THSD7A: variants seen among roughly 807,000 people sequenced by gnomAD.
The protein encoded by THSD7A is thrombospondin type 1 domain containing 7A.
A neutral mutation model predicts 231.3 loss-of-function variants in THSD7A; 96 were observed. The observed-to-expected ratio is 0.41, with a 90% CI of 0.35 to 0.49. The LOEUF is 0.49. Ranked by LOEUF, THSD7A falls within the 20% of genes least tolerant of loss-of-function variation. The probability of loss-of-function intolerance (pLI) is 0.05; values close to 1 mark genes in which losing one functional copy is unlikely to be tolerated. For missense variants in THSD7A, 2,290 were observed against 2,070.2 expected (o/e 1.11, Z -2.06); for synonymous variants, 940 against 743.3 (o/e 1.26, Z -4.30).
intron 4 of THSD7A, among the ~76,000 whole-genome samples, chr7:11,573,802 C>T (rs1421349094): frequency 6.6e-6 from 1 of 152,090 alleles, no homozygotes; most frequent in African/African-American, 2.4e-5. Context: ...TTTATTGACG[C>T]TTGGGTTTAT....
At chr7:11,730,807 A>T (rs1005463891) in intron 1 of THSD7A, among the ~76,000 whole-genome samples, 2 of 151,438 alleles carry the variant, frequency 1.3e-5, no homozygotes, top group Non-Finnish European at 3.0e-5. Context: ...GTCTCCTGAG[A>T]TTCACTTAAT....
At chr7:11,463,388 A>T (rs1785577160) in intron 9 of THSD7A, among the ~76,000 whole-genome samples, 1 of 152,124 alleles carries the variant, frequency 6.6e-6, no homozygotes, top group Admixed American at 6.5e-5. Flanking sequence ...CAACAACAAC[A>T]AATTTCTGGG....
chr7:11,549,283 C>T (rs1278266151), intron 4 of THSD7A, among the ~76,000 whole-genome samples: 5 of 138,244 alleles, frequency 3.6e-5, no homozygotes, highest in Non-Finnish European at 8.4e-5. Flanking sequence ...AATGCTTTTA[C>T]ACTGTTTGTG....
intron 17 of THSD7A, among the ~76,000 whole-genome samples, chr7:11,416,597 T>G (rs1248357893): frequency 6.6e-6 from 1 of 152,234 alleles, no homozygotes; most frequent in African/African-American, 2.4e-5. Context: ...AACACTGAAA[T>G]GGAATATCAA....
chr7:11,419,467 C>G (rs575882777), intron 16 of THSD7A, among the ~76,000 whole-genome samples: 1 of 152,266 alleles, frequency 6.6e-6, no homozygotes, highest in South Asian at 2.1e-4. Flanking sequence ...TCTCCTCATG[C>G]CTCCCCAGAA....
intron 1 of THSD7A, among the ~76,000 whole-genome samples, chr7:11,803,188 T>C (rs1434398362): frequency 6.6e-6 from 1 of 152,160 alleles, no homozygotes; most frequent in Non-Finnish European, 1.5e-5. Context: ...TTGGGGTTAC[T>C]ATAAATGCCT....
At chr7:11,793,570 T>C (rs1214693632) in intron 1 of THSD7A, among the ~76,000 whole-genome samples, 1 of 151,820 alleles carries the variant, frequency 6.6e-6, no homozygotes, top group East Asian at 1.9e-4. Context: ...AGAAGATATA[T>C]TGTTTTAAAA....
intron 13 of THSD7A, among the ~76,000 whole-genome samples, chr7:11,431,459 CT>C (rs991986597): frequency 1.2e-4 from 19 of 152,094 alleles, no homozygotes; most frequent in African/African-American, 4.6e-4. Flanking sequence ...AAAACCTGTT[CT>C]TTCCTAATTG....
chr7:11,706,714 A>C (rs1237574693), intron 1 of THSD7A, among the ~76,000 whole-genome samples: 3 of 147,838 alleles, frequency 2.0e-5, no homozygotes, highest in Non-Finnish European at 4.5e-5. Context: ...GTATATCCAC[A>C]AACCAGTTGA....
intron 1 of THSD7A, among the ~76,000 whole-genome samples, chr7:11,702,506 G>T (rs1780636880): frequency 6.6e-6 from 1 of 151,142 alleles, no homozygotes; most frequent in African/African-American, 2.4e-5. Flanking sequence ...TCTGCCACCA[G>T]CCTGAGAAAA....
Position 11,754,073 on chromosome 7 carries a change from A to G in THSD7A, c.190+77684T>C, listed in dbSNP as rs530277153. Among the ~76,000 whole-genome samples, 16 of 152,174 alleles carry G rather than the reference A, an allele frequency of 1.1e-4. No homozygotes were observed. The Middle Eastern group carries it at 0.01, about 97-fold the overall frequency. Reference sequence around the variant, plus strand: ...TAAAGAAACTAGAAAGTTTGGCCTTAATATAAGGAAAAAAGCATTCAATAG... The same window carrying G: ...TAAAGAAACTAGAAAGTTTGGCCTTGATATAAGGAAAAAAGCATTCAATAG... On this transcript the variant is annotated intron_variant, in intron 1 of 27. Coordinates refer to ENST00000423059, the MANE Select transcript of THSD7A (RefSeq NM_015204.3).
At chr7:11,703,221 G>A (rs1404496054) in intron 1 of THSD7A, among the ~76,000 whole-genome samples, 1 of 151,146 alleles carries the variant, frequency 6.6e-6, no homozygotes, top group African/African-American at 2.4e-5. Context: ...GTGTTGAAGA[G>A]GCTAGAAAAT....
At position 11,447,529 on chromosome 7, in the gene THSD7A, G is replaced by A. The variant is rs1202874683; in HGVS notation, c.2606-105C>T. On this transcript the variant is annotated intron_variant, in intron 11 of 27. Coordinates refer to ENST00000423059, the MANE Select transcript of THSD7A (RefSeq NM_015204.3). ...GTTAAGCAGTCAGAGAAAGCCTCTT[G>A]TAGTTCCTTACTTACAGTAGAAATC... The A allele has an allele frequency of 5.4e-6, 5 of 923,076 alleles. No individual in the cohort carries two copies. In the East Asian group the frequency reaches 1.2e-4, roughly 21 times the overall value. The allele number at this position is 923,076 out of a possible 1,614,324, so 57.2% of individuals were successfully genotyped here.
chr7:11,795,396 T>C (rs1196680553), intron 1 of THSD7A, among the ~76,000 whole-genome samples: 1 of 152,014 alleles, frequency 6.6e-6, no homozygotes, highest in East Asian at 1.9e-4. Flanking sequence ...TATGATAGGA[T>C]AGTGTCAAAA....
At position 11,411,073 on chromosome 7, in the gene THSD7A, A is replaced by G; in HGVS notation, c.3798+134T>C. The stretch of plus-strand genomic sequence containing the variant: ...GGACATTGTGTCTTTTCAAGAACAT[A>G]CTTAGCCTGTGAACAGTGCAGAAAA... On this transcript the variant is annotated intron_variant, in intron 19 of 27. Coordinates refer to ENST00000423059, the MANE Select transcript of THSD7A (RefSeq NM_015204.3). This position sits in a 1 kb window ranked among gnomAD's most constrained non-coding sequence, Gnocchi z 4.1. 1 of 624,780 alleles carries G rather than the reference A, an allele frequency of 1.6e-6. No homozygotes were observed. 38.7% of individuals were successfully genotyped at this position (624,780 alleles called of 1,614,324 possible).
At chr7:11,581,520 A>T (rs1283972972) in intron 4 of THSD7A, among the ~76,000 whole-genome samples, 3 of 151,596 alleles carry the variant, frequency 2.0e-5, no homozygotes, top group African/African-American at 7.3e-5. Flanking sequence ...TAGAATGATA[A>T]AAAGAGAGAT....
chr7:11,716,911 C>A (rs983761939), intron 1 of THSD7A, among the ~76,000 whole-genome samples: 1 of 151,450 alleles, frequency 6.6e-6, no homozygotes, highest in Non-Finnish European at 1.5e-5. Context: ...AACAAAAGCA[C>A]AAAAATACCC....
intron 4 of THSD7A, among the ~76,000 whole-genome samples, chr7:11,587,098 A>G (rs914596730): frequency 2.6e-5 from 4 of 152,324 alleles, no homozygotes; most frequent in East Asian, 3.9e-4. Context: ...TTCTTGAGTT[A>G]CTGTAGGTAA....
In THSD7A at chr7:11,726,874, T is replaced by G. The variant is rs185526618; in HGVS notation, c.191-89913A>C. ...GGGTCTCATGTTTTCTAGATTACCC[T>G]TTCAGTCATCTAAGAATAATTCCTC... On this transcript the variant is annotated intron_variant, in intron 1 of 27. Transcript: ENST00000423059. Among the ~76,000 whole-genome samples the G allele has an allele frequency of 1.1e-3, 168 of 152,064 alleles. 1 individual carries two copies. Among genetic ancestry groups the G allele is most frequent in the Non-Finnish European group, 1.9e-3 (130 of 67,950 alleles).
Sources: allele counts gnomAD v4.1 joint callset (sites outside exome capture counted in the v4.1 genomes callset), GRCh38; gene constraint gnomAD v4.1.1; non-coding constraint Gnocchi (gnomAD v3.1); transcripts MANE v1.5; gene names NCBI Gene and HGNC (gene_info 2026-07-23, HGNC 2026-07-21).